PRKG1: variants seen among roughly 807,000 people sequenced by gnomAD.
PRKG1 encodes the protein cGMP-dependent protein kinase 1.
PRKG1 carries 35 observed loss-of-function variants against 88.1 expected under a neutral mutation model. The ratio of observed to expected loss-of-function variants is 0.40; its 90% CI spans 0.30 to 0.53. The LOEUF (loss-of-function observed/expected upper bound fraction) is 0.53. Ranked by LOEUF, PRKG1 falls within the 20% of genes least tolerant of loss-of-function variation. The pLI is 0.59. For missense variants in PRKG1, 540 were observed against 839.8 expected (o/e 0.64, Z 4.41); for synonymous variants, 303 against 292.5 (o/e 1.04, Z -0.37).
chr10:51,184,053 A>G (rs767187505), intron 2 of PRKG1, among the ~76,000 whole-genome samples: 7 of 152,178 alleles, frequency 4.6e-5, no homozygotes, highest in Non-Finnish European at 1.0e-4. Context: ...TCCTGTACAA[A>G]CATTTATTTT....
intron 1 of PRKG1, among the ~76,000 whole-genome samples, chr10:51,127,490 A>C (rs1388545245): frequency 6.6e-6 from 1 of 152,200 alleles, no homozygotes; most frequent in Non-Finnish European, 1.5e-5. Context: ...AGAAATAGGA[A>C]CACTTTTACA....
At chr10:52,225,102 C>G (rs1052383590) in intron 9 of PRKG1, among the ~76,000 whole-genome samples, 13 of 152,022 alleles carry the variant, frequency 8.6e-5, no homozygotes, top group African/African-American at 3.1e-4. Context: ...TTCCCACCAA[C>G]AGTGTAAGTG....
At chr10:51,852,624 G>A (rs1023633826) in intron 4 of PRKG1, among the ~76,000 whole-genome samples, 1 of 151,996 alleles carries the variant, frequency 6.6e-6, no homozygotes, top group Non-Finnish European at 1.5e-5. Context: ...ATTATTCCTT[G>A]TAGTTCAACC....
intron 2 of PRKG1, among the ~76,000 whole-genome samples, chr10:51,396,128 G>T (rs966265894): frequency 6.6e-6 from 1 of 152,226 alleles, no homozygotes; most frequent in South Asian, 2.1e-4. Context: ...GCTAATGCCT[G>T]TAATCTCCGC....
At chr10:52,049,282 G>A (rs1412743109) in intron 5 of PRKG1, among the ~76,000 whole-genome samples, 1 of 152,118 alleles carries the variant, frequency 6.6e-6, no homozygotes, top group South Asian at 2.1e-4. Flanking sequence ...AAAATCTTAA[G>A]GAGGAGTGCT....
At chr10:51,705,123 C>A (rs549172038) in intron 3 of PRKG1, among the ~76,000 whole-genome samples, 1 of 152,238 alleles carries the variant, frequency 6.6e-6, no homozygotes, top group African/African-American at 2.4e-5. Flanking sequence ...CACCTCCTAG[C>A]TTTTTGTGAT....
At chr10:51,313,041 A>G (rs966108265) in intron 2 of PRKG1, among the ~76,000 whole-genome samples, 4 of 151,546 alleles carry the variant, frequency 2.6e-5, no homozygotes, top group African/African-American at 9.7e-5. Flanking sequence ...AAAGATATTT[A>G]AAGACAAACA....
At chr10:51,263,986 A>G (rs1204555123) in intron 2 of PRKG1, among the ~76,000 whole-genome samples, 1 of 152,238 alleles carries the variant, frequency 6.6e-6, no homozygotes, top group Non-Finnish European at 1.5e-5. Flanking sequence ...GAACATTGAT[A>G]TGGAAATTTT....
intron 4 of PRKG1, among the ~76,000 whole-genome samples, chr10:51,838,156 ATAAT>A (rs1840178385): frequency 6.6e-6 from 1 of 152,222 alleles, no homozygotes; most frequent in African/African-American, 2.4e-5. Context: ...CATACAGCTA[ATAAT>A]TAGGCATTTT....
intron 10 of PRKG1, among the ~76,000 whole-genome samples, chr10:52,261,533 A>C (rs1173102363): frequency 6.6e-6 from 1 of 151,872 alleles, no homozygotes; most frequent in Non-Finnish European, 1.5e-5. Flanking sequence ...ACTTTGATGC[A>C]TAAAGCCTTT....
At chr10:51,090,173 T>G (rs915372388) in intron 1 of PRKG1, among the ~76,000 whole-genome samples, 1 of 152,212 alleles carries the variant, frequency 6.6e-6, no homozygotes, top group Non-Finnish European at 1.5e-5. Flanking sequence ...GCTCAAAACA[T>G]AGTATGGGGC....
At chr10:51,483,709 A>G (rs918492924) in intron 3 of PRKG1, among the ~76,000 whole-genome samples, 1 of 152,220 alleles carries the variant, frequency 6.6e-6, no homozygotes. Context: ...TAAAATGCTG[A>G]TAGCAAGGCA....
At chr10:51,263,847 T>G (rs1311369176) in intron 2 of PRKG1, among the ~76,000 whole-genome samples, 1 of 152,216 alleles carries the variant, frequency 6.6e-6, no homozygotes, top group African/African-American at 2.4e-5. Flanking sequence ...GTTATTAGAA[T>G]GATTAGGATA....
intron 3 of PRKG1, among the ~76,000 whole-genome samples, chr10:51,608,816 A>G (rs540637851): frequency 6.6e-6 from 1 of 152,302 alleles, no homozygotes; most frequent in Admixed American, 6.5e-5. Flanking sequence ...GCCGGGTGAC[A>G]TCTTGATGAC....
At chr10:51,125,730 T>C (rs2131924479) in intron 1 of PRKG1, among the ~76,000 whole-genome samples, 1 of 146,260 alleles carries the variant, frequency 6.8e-6, no homozygotes, top group South Asian at 2.1e-4. Flanking sequence ...TAAATATAAA[T>C]TATGTGTTTT....
At chr10:51,316,943 A>G (rs1362973917) in intron 2 of PRKG1, among the ~76,000 whole-genome samples, 4 of 152,140 alleles carry the variant, frequency 2.6e-5, no homozygotes, top group African/African-American at 7.2e-5. Context: ...GCATAAAATG[A>G]ACTCTTGACT....
At chr10:51,083,832 G>C (rs895014486) in intron 1 of PRKG1, among the ~76,000 whole-genome samples, 1 of 152,112 alleles carries the variant, frequency 6.6e-6, no homozygotes, top group Non-Finnish European at 1.5e-5. Context: ...CCTGCCCTCT[G>C]TCCCCTTAGA....
At chr10:51,052,568 A>C (rs1469576515) in intron 1 of PRKG1, among the ~76,000 whole-genome samples, 2 of 152,242 alleles carry the variant, frequency 1.3e-5, no homozygotes, top group African/African-American at 4.8e-5. Context: ...AACTAGATTT[A>C]GCCCTTACTC....
intron 4 of PRKG1, among the ~76,000 whole-genome samples, chr10:51,877,663 C>A (rs1192219198): frequency 6.6e-6 from 1 of 152,126 alleles, no homozygotes; most frequent in Non-Finnish European, 1.5e-5. Flanking sequence ...ATAGCATTTG[C>A]AACAGAAATG....
Sources: allele counts gnomAD v4.1 joint callset (sites outside exome capture counted in the v4.1 genomes callset), GRCh38; gene constraint gnomAD v4.1.1; transcripts MANE v1.5; gene names NCBI Gene and HGNC (gene_info 2026-07-23, HGNC 2026-07-21).